Variants in ARL8B observed in about 807,000 individuals in gnomAD.
The protein encoded by ARL8B is ARF like GTPase 8B.
ARL8B carries 9 observed loss-of-function variants against 30.6 expected under a neutral mutation model. The ratio of observed to expected loss-of-function variants is 0.29; its 90% CI spans 0.18 to 0.51. The LOEUF (loss-of-function observed/expected upper bound fraction) is 0.51. ARL8B is among the 20% of genes least tolerant of loss of function. ARL8B has a pLI of 0.97. For synonymous variants in ARL8B, 74 were observed against 76.0 expected (o/e 0.97, Z 0.14); for missense variants, 130 against 227.2 (o/e 0.57, Z 2.75).
chr3:5,125,729 C>T (rs1341356500), intron 1 of ARL8B, among the ~76,000 whole-genome samples: 1 of 152,108 alleles, frequency 6.6e-6, no homozygotes, highest in Non-Finnish European at 1.5e-5. Context: ...GACGGGGTTT[C>T]ACCATGTTGG....
At chr3:5,137,823 A>G (rs1437052449) in intron 1 of ARL8B, among the ~76,000 whole-genome samples, 1 of 152,102 alleles carries the variant, frequency 6.6e-6, no homozygotes, top group African/African-American at 2.4e-5. Flanking sequence ...TCCCGGCCTC[A>G]AGTAATCTCC....
At chr3:5,141,615 G>A (rs2054373760) in intron 1 of ARL8B, among the ~76,000 whole-genome samples, 1 of 152,212 alleles carries the variant, frequency 6.6e-6, no homozygotes, top group South Asian at 2.1e-4. Context: ...TAAATGGGTT[G>A]TTAATTCCAG....
At chr3:5,154,634 T>C (rs1291678862) in intron 1 of ARL8B, among the ~76,000 whole-genome samples, 1 of 152,234 alleles carries the variant, frequency 6.6e-6, no homozygotes, top group African/African-American at 2.4e-5. Context: ...CCAGGAACTC[T>C]TTTTATCTTG....
rs1273176494 is a variant in ARL8B at position 5,153,317 on chromosome 3, C to G, written c.124-17186C>G. 6.6e-5 allele frequency among the ~76,000 whole-genome samples: 10 copies of G among 152,122 alleles called. 1 individual carries two copies. Among genetic ancestry groups the G allele is most frequent in the Admixed American group, 5.9e-4 (9 of 15,270 alleles). Reference sequence around the variant, plus strand: ...GGTGGGAGGTGATTAAATTATGGGGCAGATCTTTCCCACGCTGTTTTCCTG... The same window carrying G: ...GGTGGGAGGTGATTAAATTATGGGGGAGATCTTTCCCACGCTGTTTTCCTG... On this transcript the variant is annotated intron_variant, in intron 1 of 6. Coordinates refer to ENST00000256496, the MANE Select transcript of ARL8B (RefSeq NM_018184.3).
At chr3:5,129,671 C>G (rs1418412741) in intron 1 of ARL8B, among the ~76,000 whole-genome samples, 1 of 152,060 alleles carries the variant, frequency 6.6e-6, no homozygotes, top group Non-Finnish European at 1.5e-5. Context: ...CATAGCCTCC[C>G]AAGTAGTAGG....
chr3:5,156,391 C>CTTTTTTTTTTTTTTTTTTTTTT (rs201579864), intron 1 of ARL8B, among the ~76,000 whole-genome samples: 1 of 137,010 alleles, frequency 7.3e-6, no homozygotes. Context: ...AGTTTACTGC[C>CTTTTTTTTTTTTTTTTTTTTTT]TTTTTTTTTT....
chr3:5,131,599 C>CA (rs1363111918), intron 1 of ARL8B, among the ~76,000 whole-genome samples: 1 of 151,790 alleles, frequency 6.6e-6, no homozygotes, highest in African/African-American at 2.4e-5. Flanking sequence ...CGATGTTGGC[C>CA]ACACTGGTCT....
intron 1 of ARL8B, among the ~76,000 whole-genome samples, chr3:5,139,987 G>GTTTTTTT (rs375903438): frequency 2.3e-5 from 3 of 130,038 alleles, no homozygotes; most frequent in African/African-American, 5.8e-5. Context: ...GATTAGTTTT[G>GTTTTTTT]TTTTTTTTTT....
At chr3:5,129,532 A>T (rs1203405407) in intron 1 of ARL8B, among the ~76,000 whole-genome samples, 1 of 152,152 alleles carries the variant, frequency 6.6e-6, no homozygotes, top group East Asian at 1.9e-4. Context: ...GCCAAGACTG[A>T]TAACTATAGA....
In ARL8B at chr3:5,122,449, C is replaced by T. The variant is rs1318499265; in HGVS notation, c.-17C>T. 3.7e-6 allele frequency: 6 copies of T among 1,612,134 alleles called. No individual in the cohort carries two copies. Among genetic ancestry groups the T allele is most frequent in the African/African-American group, 1.3e-5 (1 of 75,020 alleles). On this transcript the variant is annotated 5_prime_UTR_variant, in exon 1 of 7. Coordinates refer to ENST00000256496, the MANE Select transcript of ARL8B (RefSeq NM_018184.3). Reference sequence around the variant, plus strand: ...GCTCGTCCGTCCTCCCGTCCGTTCTCGCTCCCGGCCGCCATCATGCTGGCG... The same window carrying T: ...GCTCGTCCGTCCTCCCGTCCGTTCTTGCTCCCGGCCGCCATCATGCTGGCG...
intron 1 of ARL8B, among the ~76,000 whole-genome samples, chr3:5,125,930 A>G (rs2054226742): frequency 6.6e-6 from 1 of 152,196 alleles, no homozygotes; most frequent in Non-Finnish European, 1.5e-5. Context: ...TGGATGTGTA[A>G]TTGGCTTGAA....
intron 1 of ARL8B, among the ~76,000 whole-genome samples, chr3:5,133,227 G>A (rs572965721): frequency 1.3e-5 from 2 of 151,704 alleles, no homozygotes; most frequent in South Asian, 4.2e-4. Flanking sequence ...AAGTAGATCA[G>A]TCAGCTCCCA....
intron 1 of ARL8B, among the ~76,000 whole-genome samples, chr3:5,139,571 G>A (rs2054354521): frequency 6.6e-6 from 1 of 152,154 alleles, no homozygotes; most frequent in Non-Finnish European, 1.5e-5. Context: ...AAGTGTTTCT[G>A]GGTAACTTCT....
chr3:5,150,367 GT>G (rs751843169), intron 1 of ARL8B, among the ~76,000 whole-genome samples: 9 of 151,620 alleles, frequency 5.9e-5, no homozygotes, highest in Non-Finnish European at 7.4e-5. Flanking sequence ...GGAGGCTGAG[GT>G]AGGAGAATTG....
At chr3:5,177,830 G>A (rs1257706355) in intron 6 of ARL8B, among the ~76,000 whole-genome samples, 4 of 152,192 alleles carry the variant, frequency 2.6e-5, no homozygotes, top group Non-Finnish European at 4.4e-5. Flanking sequence ...AATGAGTGTG[G>A]CTTTGCTCGT....
Position 5,179,463 on chromosome 3 carries a change from G to A in ARL8B, c.*750G>A, listed in dbSNP as rs914272999. On this transcript the variant is annotated 3_prime_UTR_variant, in exon 7 of 7. Coordinates refer to ENST00000256496, the MANE Select transcript of ARL8B (RefSeq NM_018184.3). ...GTCCAGATCATTATTTCTGTCTCTT[G>A]TTTTTTCTTCCTGGTTCAGGATACT... The A allele has an allele frequency of 6.6e-6, 1 of 152,274 alleles. No individual in the cohort carries two copies. Among genetic ancestry groups the A allele is most frequent in the Non-Finnish European group, 1.5e-5 (1 of 68,004 alleles). 9.4% of individuals were successfully genotyped at this position (152,274 alleles called of 1,614,324 possible).
intron 1 of ARL8B, among the ~76,000 whole-genome samples, chr3:5,154,726 G>T (rs532951739): frequency 1.3e-5 from 2 of 151,188 alleles, no homozygotes; most frequent in South Asian, 2.1e-4. Context: ...TCTACATTCT[G>T]TCTATGATTA....
chr3:5,154,323 T>C (rs975486412), intron 1 of ARL8B, among the ~76,000 whole-genome samples: 1 of 152,086 alleles, frequency 6.6e-6, no homozygotes, highest in African/African-American at 2.4e-5. Context: ...AAAAATTTTA[T>C]TGTGGTAAAA....
intron 1 of ARL8B, among the ~76,000 whole-genome samples, chr3:5,156,568 A>G (rs2106564835): frequency 1.3e-5 from 2 of 152,152 alleles, no homozygotes; most frequent in African/African-American, 4.8e-5. Context: ...GGCACACACC[A>G]CCATGCCCAG....
Sources: gnomAD v4.1 joint callset for allele counts (sites outside exome capture counted in the v4.1 genomes callset) on GRCh38, gnomAD v4.1.1 for gene constraint, MANE v1.5 for transcripts, NCBI Gene and HGNC (gene_info 2026-07-23, HGNC 2026-07-21) for gene names.